ASB13: variants seen among roughly 807,000 people sequenced by gnomAD.
The protein encoded by ASB13 is ankyrin repeat and SOCS box protein 13.
Under a neutral mutation model 28.8 loss-of-function variants are expected in ASB13, and 33 were observed. The ratio of observed to expected loss-of-function variants is 1.15; its 90% CI spans 0.87 to 1.53. The LOEUF is 1.53. Among genes scored for constraint, ASB13 ranks in the 40% most tolerant of loss-of-function variants. The pLI, the probability that ASB13 is intolerant of heterozygous loss-of-function variation, is 0.00. For synonymous variants in ASB13, 182 were observed against 172.9 expected (o/e 1.05, Z -0.41); for missense variants, 414 against 390.1 (o/e 1.06, Z -0.52).
intron 4 of ASB13, among the ~76,000 whole-genome samples, chr10:5,646,715 T>C (rs1834890858): frequency 6.6e-6 from 1 of 152,172 alleles, no homozygotes. Flanking sequence ...CCAACTGACA[T>C]GAAGTCCTAA....
In ASB13 at chr10:5,642,593, AAAAAG is replaced by A; in HGVS notation, c.518-637_518-633del. 9.4e-7 allele frequency: 1 copy of A among 1,059,574 alleles called. No individual in the cohort carries two copies. The highest frequency in any genetic ancestry group is 1.2e-6 in the Non-Finnish European group (1 of 807,908). 65.6% of individuals were successfully genotyped at this position (1,059,574 alleles called of 1,614,324 possible). On this transcript the variant is annotated intron_variant, in intron 4 of 5. Transcript: ENST00000357700. The surrounding 1 kb of genome is among the most constrained non-coding windows in gnomAD (Gnocchi z 4.1). ...AGGTAAAAAAAAATTTTTTTTTAAA[AAAAAG>A]AGCAGACATTCAGAAAGATGCAAGG...
Position 5,664,634 on chromosome 10 carries a change from A to G in ASB13, c.43+1875T>C, listed in dbSNP as rs193074307. ...AGTAGGTTAGAGGTTCATCTACCACAGAAGGACGTCCATAGGGAATGCAGA... is the reference window on the plus strand; with the variant it reads ...AGTAGGTTAGAGGTTCATCTACCACGGAAGGACGTCCATAGGGAATGCAGA... On this transcript the variant is annotated intron_variant, in intron 1 of 5. Coordinates refer to ENST00000357700, the MANE Select transcript of ASB13 (RefSeq NM_024701.4). This position sits in a 1 kb window ranked among gnomAD's most constrained non-coding sequence, Gnocchi z 4.2. Among the ~76,000 whole-genome samples the G allele has an allele frequency of 1.2e-4, 18 of 152,328 alleles. No homozygotes were observed. Among genetic ancestry groups the G allele is most frequent in the African/African-American group, 4.1e-4 (17 of 41,568 alleles).
In ASB13 at chr10:5,646,654, G is replaced by A. The variant is rs1002401033; in HGVS notation, c.517+2316C>T. On this transcript the variant is annotated intron_variant, in intron 4 of 5. Coordinates refer to ENST00000357700, the MANE Select transcript of ASB13 (RefSeq NM_024701.4). Reference sequence around the variant, plus strand: ...CCCTGAAGTCACCTGAACTAGAAATGCCCGCCATTGTTTACCAGTGGAAGT... The same window carrying A: ...CCCTGAAGTCACCTGAACTAGAAATACCCGCCATTGTTTACCAGTGGAAGT... 7.9e-5 allele frequency among the ~76,000 whole-genome samples: 12 copies of A among 152,318 alleles called. No individual in the cohort carries two copies. In the South Asian group the frequency reaches 1.9e-3, roughly 24 times the overall value.
In ASB13 at chr10:5,642,040, C is replaced by A. The variant is rs1834816340; in HGVS notation, c.518-79G>T. 1.4e-6 allele frequency: 2 copies of A among 1,412,732 alleles called. No homozygotes were observed. The highest frequency in any genetic ancestry group is 3.9e-5 in the Admixed American group (2 of 50,958). The allele number at this position is 1,412,732 out of a possible 1,614,324, so 87.5% of individuals were successfully genotyped here. On this transcript the variant is annotated intron_variant, in intron 4 of 5. Coordinates refer to ENST00000357700, the MANE Select transcript of ASB13 (RefSeq NM_024701.4). This position sits in a 1 kb window ranked among gnomAD's most constrained non-coding sequence, Gnocchi z 4.1. ...GGGGACAATCAGGTCCGTTTCGTCACACAGCACGGTGGCAGAAGCAATCCC... is the reference window on the plus strand; with the variant it reads ...GGGGACAATCAGGTCCGTTTCGTCAAACAGCACGGTGGCAGAAGCAATCCC...
Position 5,658,063 on chromosome 10 carries a change from C to T in ASB13, c.44-5013G>A, listed in dbSNP as rs186045625. On this transcript the variant is annotated intron_variant, in intron 1 of 5. Coordinates refer to ENST00000357700, the MANE Select transcript of ASB13 (RefSeq NM_024701.4). This position sits in a 1 kb window ranked among gnomAD's most constrained non-coding sequence, Gnocchi z 4.2. ...AGTGCCAGCTACTCAGAGGCTGAGG[C>T]ACGAGAATCGCATGAACCCAGGAGA... Among the ~76,000 whole-genome samples the T allele has an allele frequency of 3.2e-3, 492 of 152,226 alleles. 2 individuals carry two copies. Among genetic ancestry groups the T allele is most frequent in the Admixed American group, 6.6e-3 (101 of 15,302 alleles).
At position 5,644,181 on chromosome 10, in the gene ASB13, G is replaced by A. The variant is rs962243888; in HGVS notation, c.518-2220C>T. On this transcript the variant is annotated intron_variant, in intron 4 of 5. Transcript: ENST00000357700. This position sits in a 1 kb window ranked among gnomAD's most constrained non-coding sequence, Gnocchi z 5.1. ...AAGAAGAGAGTCAGAGATGAAACTCGATCAGCTATGTTCATTAAAAATATA... is the reference window on the plus strand; with the variant it reads ...AAGAAGAGAGTCAGAGATGAAACTCAATCAGCTATGTTCATTAAAAATATA... 1.3e-5 allele frequency among the ~76,000 whole-genome samples: 2 copies of A among 152,200 alleles called. No individual in the cohort carries two copies. The highest frequency in any genetic ancestry group is 2.9e-5 in the Non-Finnish European group (2 of 68,042).
At chr10:5,653,368 C>T (rs958110163) in intron 1 of ASB13, among the ~76,000 whole-genome samples, 2 of 152,254 alleles carry the variant, frequency 1.3e-5, no homozygotes, top group African/African-American at 4.8e-5. Flanking sequence ...TCTCTGCTGA[C>T]ATGCCCACCT....
chr10:5,647,111 C>G (rs767180675), intron 4 of ASB13, among the ~76,000 whole-genome samples: 35 of 152,190 alleles, frequency 2.3e-4, no homozygotes, highest in Non-Finnish European at 4.6e-4. Flanking sequence ...TCATGATCTT[C>G]CTGTTCCCAA....
In ASB13 at chr10:5,652,923, G is replaced by A. The variant is rs766081012; in HGVS notation, c.171C>T (p.His57=). 8.2e-6 allele frequency: 13 copies of A among 1,583,836 alleles called. No homozygotes were observed. In the South Asian group the frequency reaches 1.0e-4, roughly 13 times the overall value. The change falls in exon 2 of 6, where the codon CAC becomes CAT. Residue 57 remains histidine (H), a synonymous_variant. Transcript: ENST00000357700. The surrounding 1 kb of genome is among the most constrained non-coding windows in gnomAD (Gnocchi z 5.0). ...QVTVDSITPL[H]AASLQGQARC... ...GCGCCTGGCCCTGCAGACTGGCTGC[G>A]TGCAGGGGCGTGATGGAGTCCACGG...
rs1416056214 is a variant in ASB13, at chr10:5,641,954, G to A, written c.525C>T (p.Asn175=). 5 of 1,602,526 alleles carry A rather than the reference G, an allele frequency of 3.1e-6. No individual in the cohort carries two copies. Among genetic ancestry groups the A allele is most frequent in the Non-Finnish European group, 4.3e-6 (5 of 1,170,264 alleles). The change falls in exon 5 of 6, where the codon AAC becomes AAT. Residue 175 remains asparagine (N), a synonymous_variant. Transcript: ENST00000357700. This position sits in a 1 kb window ranked among gnomAD's most constrained non-coding sequence, Gnocchi z 8.4. ...CVKVLLNAGA[N]VNAAKLHETA... Reference sequence around the variant, plus strand: ...TCTCATGAAGCTTTGCCGCATTCACGTTGGCCCCTGGAGGTCAAGAGTGCA... The same window carrying A: ...TCTCATGAAGCTTTGCCGCATTCACATTGGCCCCTGGAGGTCAAGAGTGCA...
intron 1 of ASB13, among the ~76,000 whole-genome samples, chr10:5,654,984 C>A (rs1382751453): frequency 1.3e-5 from 2 of 152,108 alleles, no homozygotes; most frequent in Admixed American, 6.5e-5. Flanking sequence ...TGCCTGTAAT[C>A]CCCGCCACTT....
At chr10:5,647,383 T>C (rs1030239056) in intron 4 of ASB13, among the ~76,000 whole-genome samples, 2 of 152,248 alleles carry the variant, frequency 1.3e-5, no homozygotes, top group Non-Finnish European at 2.9e-5. Flanking sequence ...AACAGTCACT[T>C]TGGCTAAAAC....
rs747731356 is a variant in ASB13, at chr10:5,641,970, CAA to C, written c.518-11_518-10del. On this transcript the variant is annotated splice_polypyrimidine_tract_variant and intron_variant, in intron 4 of 5. Coordinates refer to ENST00000357700, the MANE Select transcript of ASB13 (RefSeq NM_024701.4). This position sits in a 1 kb window ranked among gnomAD's most constrained non-coding sequence, Gnocchi z 8.4. The stretch of plus-strand genomic sequence containing the variant: ...CGCATTCACGTTGGCCCCTGGAGGT[CAA>C]GAGTGCAGAAGAGATTTCACCAAGA... The C allele has an allele frequency of 6.3e-7, 1 of 1,597,864 alleles. No homozygotes were observed. The highest frequency in any genetic ancestry group is 1.1e-5 in the South Asian group (1 of 90,682).
At position 5,651,641 on chromosome 10, in the gene ASB13, C is replaced by T. The variant is rs1239373690; in HGVS notation, c.232-278G>A. On this transcript the variant is annotated intron_variant, in intron 2 of 5. Transcript: ENST00000357700. This position sits in a 1 kb window ranked among gnomAD's most constrained non-coding sequence, Gnocchi z 5.1. ...ACCCCCGCCCCAAACACCTAGTAAGCACAGAGCAGGACAGGGGAACCCTAG... is the reference window on the plus strand; with the variant it reads ...ACCCCCGCCCCAAACACCTAGTAAGTACAGAGCAGGACAGGGGAACCCTAG... 2.5e-6 allele frequency: 1 copy of T among 392,366 alleles called. No individual in the cohort carries two copies. Among genetic ancestry groups the T allele is most frequent in the Admixed American group, 4.3e-5 (1 of 23,060 alleles). The allele number at this position is 392,366 out of a possible 1,614,324, so 24.3% of individuals were successfully genotyped here. A position where few individuals can be genotyped will look rare whatever the true frequency, so the allele number is the denominator to read the frequency against.
In ASB13 at chr10:5,659,340, T is replaced by G. The variant is rs991112960; in HGVS notation, c.44-6290A>C. Among the ~76,000 whole-genome samples the G allele has an allele frequency of 6.6e-6, 1 of 152,136 alleles. No individual in the cohort carries two copies. Among genetic ancestry groups the G allele is most frequent in the Non-Finnish European group, 1.5e-5 (1 of 68,006 alleles). On this transcript the variant is annotated intron_variant, in intron 1 of 5. Coordinates refer to ENST00000357700, the MANE Select transcript of ASB13 (RefSeq NM_024701.4). This position sits in a 1 kb window ranked among gnomAD's most constrained non-coding sequence, Gnocchi z 5.8. ...TTGCCCCCTCCCTAATGCAGATGATTGACAAGCCAGTCTGACAGGGCCTGC... is the reference window on the plus strand; with the variant it reads ...TTGCCCCCTCCCTAATGCAGATGATGGACAAGCCAGTCTGACAGGGCCTGC...
rs999037704 is a variant in ASB13 at position 5,660,086 on chromosome 10, G to A, written c.43+6423C>T. On this transcript the variant is annotated intron_variant, in intron 1 of 5. Coordinates refer to ENST00000357700, the MANE Select transcript of ASB13 (RefSeq NM_024701.4). The surrounding 1 kb of genome is among the most constrained non-coding windows in gnomAD (Gnocchi z 6.1). ...TCCTCTGCTTCAGGTCAGGGTCACGGTGTTACACACTATGGCTCCTCCTGT... is the reference window on the plus strand; with the variant it reads ...TCCTCTGCTTCAGGTCAGGGTCACGATGTTACACACTATGGCTCCTCCTGT... Among the ~76,000 whole-genome samples, 16 of 152,200 alleles carry A rather than the reference G, an allele frequency of 1.1e-4. No homozygotes were observed. The highest frequency in any genetic ancestry group is 5.9e-5 in the Non-Finnish European group (4 of 68,028).
chr10:5,665,314 A>T (rs2131461618), intron 1 of ASB13, among the ~76,000 whole-genome samples: 1 of 152,348 alleles, frequency 6.6e-6, no homozygotes, highest in South Asian at 2.1e-4. Context: ...TACACTGGGA[A>T]TAAAAAACAT....
chr10:5,642,758 T>C lies in ASB13; in HGVS notation c.518-797A>G, dbSNP rs375962606. ...GCCTCCAGGGTTCAAGCGATTCTCC[T>C]GCCTCAGCCTCCCGAGTTGCTGGGA... is the stretch of plus-strand genomic sequence containing the variant. On this transcript the variant is annotated intron_variant, in intron 4 of 5. Transcript: ENST00000357700. The surrounding 1 kb of genome is among the most constrained non-coding windows in gnomAD (Gnocchi z 4.1). Among the ~76,000 whole-genome samples the C allele has an allele frequency of 2.3e-4, 35 of 151,976 alleles. No homozygotes were observed. In the East Asian group the frequency reaches 6.6e-3, roughly 29 times the overall value.
chr10:5,640,933 C>T, intron 5 of ASB13, 103 bp from the exon 6 acceptor site: 3 of 1,451,378 alleles, frequency 2.1e-6, no homozygotes, highest in Non-Finnish European at 2.8e-6. Context: ...CCTCCCTTTC[C>T]CCTGGAACCG....
Sources: allele counts gnomAD v4.1 joint callset (sites outside exome capture counted in the v4.1 genomes callset), GRCh38; gene constraint gnomAD v4.1.1; non-coding constraint Gnocchi (gnomAD v3.1); transcripts MANE v1.5; gene names NCBI Gene and HGNC (gene_info 2026-07-23, HGNC 2026-07-21).